CSMD1: variants seen among roughly 807,000 people sequenced by gnomAD.
CSMD1 encodes CUB and Sushi multiple domains 1.
A neutral mutation model predicts 417.5 loss-of-function variants in CSMD1; 213 were observed. That is an observed-to-expected ratio of 0.51 (90% CI 0.46 to 0.57). The LOEUF (loss-of-function observed/expected upper bound fraction) is 0.57, where lower values mean the gene tolerates loss of function less well. Ranked by LOEUF, CSMD1 falls within the 20% of genes least tolerant of loss-of-function variation. The probability of loss-of-function intolerance (pLI) is 0.00; values close to 1 mark genes in which losing one functional copy is unlikely to be tolerated. For missense variants in CSMD1, 6,923 were observed against 4,529.7 expected (o/e 1.53, Z -15.17); for synonymous variants, 2,862 against 1,736.8 (o/e 1.65, Z -16.11).
chr8:3,013,914 T>C (rs1278142599), intron 52 of CSMD1, among the ~76,000 whole-genome samples: 3 of 152,114 alleles, frequency 2.0e-5, no homozygotes, highest in South Asian at 2.1e-4. Flanking sequence ...AAGAACCTTA[T>C]TAATAAGACT....
rs1166776100 is a variant in CSMD1, at chr8:4,834,896, G to C, written c.85+159436C>G. Among the ~76,000 whole-genome samples, 76 of 136,478 alleles carry C rather than the reference G, an allele frequency of 5.6e-4. 1 individual carries two copies. Among genetic ancestry groups the C allele is most frequent in the Admixed American group, 6.4e-4 (8 of 12,506 alleles). 89.5% of individuals were successfully genotyped at this position (136,478 alleles called of 152,430 possible). ...GGCGGAAACCCGGGAGGCGGAGCTT[G>C]CAGTGATCTGAGATGGCGCCACTGC... On this transcript the variant is annotated intron_variant, in intron 1 of 69. Transcript: ENST00000635120.
At chr8:3,319,062 G>A (rs1224222973) in intron 23 of CSMD1, among the ~76,000 whole-genome samples, 1 of 152,096 alleles carries the variant, frequency 6.6e-6, no homozygotes, top group African/African-American at 2.4e-5. Context: ...ATTATCCTCA[G>A]AACATACTGC....
At chr8:3,993,640 G>T (rs777484838) in intron 5 of CSMD1, among the ~76,000 whole-genome samples, 2 of 152,174 alleles carry the variant, frequency 1.3e-5, no homozygotes, top group Non-Finnish European at 2.9e-5. Context: ...AAAGGGTCAA[G>T]TTATGCTGGT....
At chr8:4,508,299 A>G (rs1251598109) in intron 2 of CSMD1, among the ~76,000 whole-genome samples, 1 of 152,072 alleles carries the variant, frequency 6.6e-6, no homozygotes, top group Non-Finnish European at 1.5e-5. Flanking sequence ...TGATATAAAG[A>G]TAAAGATGAT....
At position 3,343,393 on chromosome 8, in the gene CSMD1, G is replaced by T. The variant is rs368801238; in HGVS notation, c.3532C>A (p.Leu1178Ile). ...RPLGTFTKNELLGLILNSTSN... is the reference protein window; with the variant it reads ...RPLGTFTKNEILGLILNSTSN... ...GTGCTGTTTAGGATCAGCCCCAGAAGTTCATTTTTAGTGAACGTGCCCAGT... is the reference window on the plus strand; with the variant it reads ...GTGCTGTTTAGGATCAGCCCCAGAATTTCATTTTTAGTGAACGTGCCCAGT... The change falls in exon 23 of 70, where the codon CTT (leucine) becomes ATT (isoleucine). Residue 1178 changes from leucine to isoleucine, a missense_variant. By Grantham distance (5) the Leu-to-Ile change is conservative (BLOSUM62 2). Coordinates refer to ENST00000635120, the MANE Select transcript of CSMD1 (RefSeq NM_033225.6). 4.3e-6 allele frequency: 7 copies of T among 1,613,710 alleles called. No individual in the cohort carries two copies. Among genetic ancestry groups the T allele is most frequent in the African/African-American group, 1.3e-5 (1 of 74,918 alleles).
At chr8:4,121,564 C>G (rs555391251) in intron 3 of CSMD1, among the ~76,000 whole-genome samples, 9 of 147,364 alleles carry the variant, frequency 6.1e-5, no homozygotes, top group Admixed American at 1.4e-4. Flanking sequence ...AAAATGTAAT[C>G]AATCTTTTAT....
intron 2 of CSMD1, among the ~76,000 whole-genome samples, chr8:4,510,872 T>C (rs1388672481): frequency 2.2e-5 from 3 of 137,852 alleles, no homozygotes; most frequent in Non-Finnish European, 4.7e-5. Context: ...TTCCCTTCCT[T>C]CCTTCCCTCC....
intron 3 of CSMD1, among the ~76,000 whole-genome samples, chr8:4,359,482 C>A (rs1801626154): frequency 1.3e-5 from 2 of 152,166 alleles, no homozygotes; most frequent in Non-Finnish European, 2.9e-5. Flanking sequence ...AGATTGAATC[C>A]TTCCTCTTTG....
At chr8:3,805,512 G>A (rs973168493) in intron 5 of CSMD1, among the ~76,000 whole-genome samples, 7 of 152,126 alleles carry the variant, frequency 4.6e-5, no homozygotes, top group Non-Finnish European at 8.8e-5. Context: ...GGATGACTCT[G>A]AGTCCTGGAA....
Position 3,848,298 on chromosome 8 carries a change from G to C in CSMD1, c.819-94256C>G, listed in dbSNP as rs547095881. Among the ~76,000 whole-genome samples the C allele has an allele frequency of 3.9e-5, 6 of 152,148 alleles. No individual in the cohort carries two copies. In the South Asian group the frequency reaches 6.2e-4, roughly 16 times the overall value. ...CCAACAGGGGAGCTCATTCTACTGC[G>C]ATCCCACTAACAACAGAGATCACCA... On this transcript the variant is annotated intron_variant, in intron 5 of 69. Transcript: ENST00000635120.
At chr8:4,029,909 G>A (rs1192868439) in intron 4 of CSMD1, among the ~76,000 whole-genome samples, 1 of 152,124 alleles carries the variant, frequency 6.6e-6, no homozygotes, top group African/African-American at 2.4e-5. Flanking sequence ...AAAACAAAGG[G>A]TCTACTGGCC....
At chr8:4,211,823 CAGT>C (rs946089827) in intron 3 of CSMD1, among the ~76,000 whole-genome samples, 5 of 152,146 alleles carry the variant, frequency 3.3e-5, no homozygotes, top group African/African-American at 1.2e-4. Context: ...GATAATTTTT[CAGT>C]AGGAGTCTTT....
intron 2 of CSMD1, among the ~76,000 whole-genome samples, chr8:4,504,132 G>A (rs1052249705): frequency 1.3e-5 from 2 of 152,096 alleles, no homozygotes; most frequent in Non-Finnish European, 2.9e-5. Flanking sequence ...TATAGCCCAT[G>A]GAGGATTACT....
At chr8:3,392,578 T>G (rs2116836282) in intron 17 of CSMD1, among the ~76,000 whole-genome samples, 1 of 152,070 alleles carries the variant, frequency 6.6e-6, no homozygotes, top group East Asian at 1.9e-4. Context: ...TGCCTGTGGG[T>G]TTTCTCTCTC....
intron 3 of CSMD1, among the ~76,000 whole-genome samples, chr8:4,283,744 G>A (rs117263407): frequency 7.3e-5 from 11 of 150,992 alleles, no homozygotes; most frequent in Admixed American, 6.6e-4. Context: ...ATGCATGAGT[G>A]TTTTATCATA....
chr8:3,178,956 T>C (rs1821113926), intron 37 of CSMD1, among the ~76,000 whole-genome samples: 1 of 150,388 alleles, frequency 6.6e-6, no homozygotes, highest in Admixed American at 6.6e-5. Context: ...TTCTTTTTTT[T>C]TTTTTTTTTG....
intron 5 of CSMD1, among the ~76,000 whole-genome samples, chr8:3,761,390 G>A (rs948470922): frequency 2.0e-5 from 3 of 151,480 alleles, no homozygotes; most frequent in Non-Finnish European, 4.4e-5. Context: ...ATACTATCTG[G>A]GGAAAAACAA....
At chr8:4,522,963 A>G (rs1803552883) in intron 2 of CSMD1, among the ~76,000 whole-genome samples, 1 of 152,194 alleles carries the variant, frequency 6.6e-6, no homozygotes, top group Admixed American at 6.5e-5. Flanking sequence ...CTGGAAATGG[A>G]AAAGTTAAGA....
chr8:3,994,476 G>T (rs868590516), intron 5 of CSMD1, among the ~76,000 whole-genome samples: 1 of 133,024 alleles, frequency 7.5e-6, no homozygotes. Flanking sequence ...AGAACACTTG[G>T]CTAGTCTCAC....
Sources: gnomAD v4.1 joint callset for allele counts (sites outside exome capture counted in the v4.1 genomes callset) on GRCh38, gnomAD v4.1.1 for gene constraint, MANE v1.5 for transcripts, NCBI Gene and HGNC (gene_info 2026-07-23, HGNC 2026-07-21) for gene names.